The following SENP6 variants were observed in gnomAD, a reference collection of about 807,000 sequenced individuals.
The protein encoded by SENP6 is sentrin-specific protease 6.
Under a neutral mutation model 134.5 loss-of-function variants are expected in SENP6, and 41 were observed. The ratio of observed to expected loss-of-function variants is 0.30; its 90% CI spans 0.24 to 0.40. SENP6 has a LOEUF of 0.40. Ranked by LOEUF, SENP6 falls within the 10% of genes least tolerant of loss-of-function variation. SENP6 has a pLI of 1.00. For synonymous variants in SENP6, 395 were observed against 429.8 expected, an observed-to-expected ratio of 0.92 and a Z score of 1.00; for missense variants, 1,248 against 1,312.5, an observed-to-expected ratio of 0.95 and a Z score of 0.76.
intron 19 of SENP6, among the ~76,000 whole-genome samples, chr6:75,706,988 G>T (rs1775443404): frequency 6.6e-6 from 1 of 152,166 alleles, no homozygotes; most frequent in Non-Finnish European, 1.5e-5. Context: ...CTCCTTATAT[G>T]AGAAGTTCTC....
At chr6:75,655,631 A>G (rs745566474) in intron 7 of SENP6, among the ~76,000 whole-genome samples, 1 of 152,184 alleles carries the variant, frequency 6.6e-6, no homozygotes, top group African/African-American at 2.4e-5. Flanking sequence ...GCTTGCATCA[A>G]TAGTTTGTTT....
chr6:75,618,999 T>C lies in SENP6; in HGVS notation c.53-2533T>C, dbSNP rs1465894355. Among the ~76,000 whole-genome samples, 4 of 149,118 alleles carry C rather than the reference T, an allele frequency of 2.7e-5. No individual in the cohort carries two copies. The South Asian group carries it at 8.6e-4, about 32-fold the overall frequency. ...TTTTTAGAGAGGATTTATGTTTGCT[T>C]GTGTTAGTCACTTTCAGGCTTTTTT... On this transcript the variant is annotated intron_variant, in intron 1 of 23. Transcript: ENST00000447266.
At position 75,614,240 on chromosome 6, in the gene SENP6, T is replaced by C. The variant is rs1215134896; in HGVS notation, c.53-7292T>C. Among the ~76,000 whole-genome samples the C allele has an allele frequency of 2.0e-5, 3 of 152,216 alleles. No individual in the cohort carries two copies. In the East Asian group the frequency reaches 5.8e-4, roughly 29 times the overall value. On this transcript the variant is annotated intron_variant, in intron 1 of 23. Coordinates refer to ENST00000447266, the MANE Select transcript of SENP6 (RefSeq NM_015571.4). ...TAGTTAAGGTGGTGTTCACCAGATT[T>C]TTCCACAGAAAGTTACTATCTTTTT...
chr6:75,652,683 C>CAAAAAAACAAAAAAAAA (rs1770968091), intron 7 of SENP6, among the ~76,000 whole-genome samples: 1 of 75,856 alleles, frequency 1.3e-5, no homozygotes, highest in African/African-American at 6.3e-5. Context: ...CTAAAAATCT[C>CAAAAAAACAAAAAAAAA]AAAAAAAAAA....
intron 7 of SENP6, among the ~76,000 whole-genome samples, chr6:75,649,145 G>GA (rs111558916): frequency 3.8e-4 from 54 of 143,256 alleles, no homozygotes; most frequent in African/African-American, 7.4e-4. Flanking sequence ...ATCGCTACTG[G>GA]AAAAAAAAAA....
chr6:75,691,290 G>A (rs544606363), intron 16 of SENP6, among the ~76,000 whole-genome samples: 36 of 151,630 alleles, frequency 2.4e-4, no homozygotes, highest in African/African-American at 7.7e-4. Flanking sequence ...CTACATGTGC[G>A]AGCTACCACA....
rs574155542 is a variant in SENP6, at chr6:75,691,145, T to A, written c.2076-4659T>A. 1.3e-3 allele frequency among the ~76,000 whole-genome samples: 190 copies of A among 148,888 alleles called. 3 individuals are homozygous for A. Among genetic ancestry groups the A allele is most frequent in the South Asian group, 2.6e-3 (12 of 4,692 alleles). ...GGCGATTACCATTCCCAGCTAAAAT[T>A]TTTTTTTTTTTTTCAAAGACAGATT... is the stretch of plus-strand genomic sequence containing the variant. On this transcript the variant is annotated intron_variant, in intron 16 of 23. Coordinates refer to ENST00000447266, the MANE Select transcript of SENP6 (RefSeq NM_015571.4).
chr6:75,678,217 C>G (rs574948878), intron 14 of SENP6: 109 of 189,544 alleles, frequency 5.8e-4, no homozygotes, highest in Non-Finnish European at 9.7e-4. Context: ...AGCCTCTGCC[C>G]CTACATCTTA....
intron 11 of SENP6, among the ~76,000 whole-genome samples, chr6:75,673,101 A>G (rs902401668): frequency 1.3e-5 from 2 of 152,164 alleles, no homozygotes; most frequent in East Asian, 1.9e-4. Flanking sequence ...TGCTGGGATT[A>G]TAAGTGTGAG....
chr6:75,676,752 T>C (rs762432379), intron 13 of SENP6: 11 of 244,910 alleles, frequency 4.5e-5, no homozygotes, highest in Non-Finnish European at 7.8e-5. Context: ...ATTTATTAGA[T>C]GAAGTAAATT....
intron 6 of SENP6, among the ~76,000 whole-genome samples, chr6:75,642,938 G>T (rs987410246): frequency 6.6e-6 from 1 of 152,128 alleles, no homozygotes. Context: ...AATCTTTTTG[G>T]TGGGGGAGGT....
chr6:75,711,560 A>T (rs985001110), intron 21 of SENP6, 144 bp downstream of exon 21: 1 of 531,230 alleles, frequency 1.9e-6, no homozygotes, highest in Admixed American at 3.5e-5. Flanking sequence ...GAGGCATGCT[A>T]TCTAGGGATT....
intron 16 of SENP6, among the ~76,000 whole-genome samples, chr6:75,680,319 ATATAACAAAAG>A (rs1382458471): frequency 6.6e-6 from 1 of 152,206 alleles, no homozygotes; most frequent in Non-Finnish European, 1.5e-5. Context: ...GAGGTCTGTG[ATATAACAAAAG>A]GACAGTGCCA....
At chr6:75,627,629 G>T (rs1447676374) in intron 3 of SENP6, among the ~76,000 whole-genome samples, 1 of 152,134 alleles carries the variant, frequency 6.6e-6, no homozygotes, top group African/African-American at 2.4e-5. Context: ...GATGTTTTCT[G>T]TCACTAACTT....
At chr6:75,690,138 T>A (rs1477662023) in intron 16 of SENP6, among the ~76,000 whole-genome samples, 1 of 152,186 alleles carries the variant, frequency 6.6e-6, no homozygotes, top group Non-Finnish European at 1.5e-5. Context: ...CTTGAGCTCC[T>A]GCCCTCAAGC....
In SENP6 at chr6:75,713,716, G is replaced by T. The variant is rs1775882741; in HGVS notation, c.3020G>T (p.Arg1007Ile). The T allele has an allele frequency of 1.2e-6, 2 of 1,613,078 alleles. No homozygotes were observed. Among genetic ancestry groups the T allele is most frequent in the Non-Finnish European group, 1.7e-6 (2 of 1,179,410 alleles). ...TGGGAAGTTAAAAAAGGAAGCAAAA[G>T]AAGTTTTTCCAAAGATGTTATGAAG... Reference protein sequence around the residue: ...VEWEVKKGSKRSFSKDVMKGS... With the variant: ...VEWEVKKGSKISFSKDVMKGS... The change falls in exon 23 of 24, where the codon AGA becomes ATA. Residue 1007 changes from arginine (R) to isoleucine (I), a missense_variant. Physicochemically the swap from Arg to Ile is moderately conservative, Grantham distance 97 (BLOSUM62 -3). Transcript: ENST00000447266.
chr6:75,617,629 C>T (rs1235728054), intron 1 of SENP6, among the ~76,000 whole-genome samples: 1 of 152,104 alleles, frequency 6.6e-6, no homozygotes, highest in African/African-American at 2.4e-5. Context: ...AATGTTGCCA[C>T]CAAATATAGC....
intron 16 of SENP6, among the ~76,000 whole-genome samples, chr6:75,684,152 T>G (rs1773662049): frequency 6.6e-6 from 1 of 152,184 alleles, no homozygotes; most frequent in Non-Finnish European, 1.5e-5. Context: ...TTATTCTCTT[T>G]GTAGCAACTG....
chr6:75,685,175 A>G (rs1054742329), intron 16 of SENP6, among the ~76,000 whole-genome samples: 5 of 152,068 alleles, frequency 3.3e-5, no homozygotes, highest in African/African-American at 1.2e-4. Context: ...GATTTTCTAG[A>G]TTATTTGCAT....
Sources: gnomAD v4.1 joint callset for allele counts (sites outside exome capture counted in the v4.1 genomes callset) on GRCh38, gnomAD v4.1.1 for gene constraint, MANE v1.5 for transcripts, NCBI Gene and HGNC (gene_info 2026-07-23, HGNC 2026-07-21) for gene names.